The following FAM171B variants were observed in gnomAD, a reference collection of about 807,000 sequenced individuals.
FAM171B encodes the protein family with sequence similarity 171 member B.
Under a neutral mutation model 75.6 loss-of-function variants are expected in FAM171B, and 19 were observed. The observed-to-expected ratio is 0.25, with a 90% CI of 0.18 to 0.37. The LOEUF is 0.37. Among genes scored for constraint, FAM171B ranks in the 10% least tolerant of loss-of-function variants. The pLI is 1.00. For synonymous variants in FAM171B, 367 were observed against 361.7 expected, an observed-to-expected ratio of 1.01 and a Z score of -0.17; for missense variants, 848 against 982.4, an observed-to-expected ratio of 0.86 and a Z score of 1.83.
Position 186,761,233 on chromosome 2 carries a change from G to A in FAM171B, c.1133G>A (p.Cys378Tyr), listed in dbSNP as rs1323526119. 1 of 1,611,956 alleles carries A rather than the reference G, an allele frequency of 6.2e-7. No individual in the cohort carries two copies. Among genetic ancestry groups the A allele is most frequent in the African/African-American group, 1.3e-5 (1 of 74,942 alleles). The change falls in exon 7 of 8, where the codon TGC becomes TAC. Residue 378 changes from cysteine to tyrosine, a missense_variant. Around this residue, in one of 3 missense-constraint regions of FAM171B, gnomAD observed 665 missense variants for 729.0 expected, o/e 0.91. Coordinates refer to ENST00000304698, the MANE Select transcript of FAM171B (RefSeq NM_177454.4). ...TTTTTTGCTGTACTACTTTGTTATT[G>A]CAGGTAAGAAAATGGCTATAAACAC... ...IGFFAVLLCY[C>Y]RDKCGTPQKR...
intron 1 of FAM171B, among the ~76,000 whole-genome samples, chr2:186,739,460 A>G (rs2105785533): frequency 6.6e-6 from 1 of 152,266 alleles, no homozygotes; most frequent in Non-Finnish European, 1.5e-5. Context: ...CTTATTTGAT[A>G]AGCTTTTTTC....
intron 1 of FAM171B, among the ~76,000 whole-genome samples, chr2:186,706,384 T>C (rs1183118300): frequency 1.3e-5 from 2 of 152,200 alleles, no homozygotes; most frequent in Non-Finnish European, 2.9e-5. Context: ...ATTTTTCTTT[T>C]TTTGATTCAC....
intron 1 of FAM171B, among the ~76,000 whole-genome samples, chr2:186,712,755 GC>G (rs1453284745): frequency 3.9e-5 from 6 of 152,042 alleles, no homozygotes; most frequent in African/African-American, 1.4e-4. Flanking sequence ...ATAATCTTAT[GC>G]CTTCTCACTC....
intron 1 of FAM171B, among the ~76,000 whole-genome samples, chr2:186,697,136 T>G (rs2105768755): frequency 6.6e-6 from 1 of 152,292 alleles, no homozygotes; most frequent in East Asian, 1.9e-4. Flanking sequence ...AAGATAAACG[T>G]TATGTAGGAA....
intron 1 of FAM171B, among the ~76,000 whole-genome samples, chr2:186,713,396 C>T (rs1280763070): frequency 1.2e-4 from 19 of 152,228 alleles, no homozygotes; most frequent in Admixed American, 1.2e-3. Context: ...GATAGAATTA[C>T]ACCCTTTAGA....
At chr2:186,749,599 T>C (rs547396562) in intron 4 of FAM171B, among the ~76,000 whole-genome samples, 2 of 152,324 alleles carry the variant, frequency 1.3e-5, no homozygotes, top group South Asian at 4.1e-4. Flanking sequence ...AGTAAGCCAC[T>C]ACTTGGCCTG....
intron 1 of FAM171B, among the ~76,000 whole-genome samples, chr2:186,718,385 T>C (rs923392739): frequency 1.3e-5 from 2 of 152,178 alleles, no homozygotes; most frequent in African/African-American, 4.8e-5. Flanking sequence ...TTTCTAAAAC[T>C]TTTGTGCTTT....
chr2:186,761,480 G>T lies in FAM171B; in HGVS notation c.1138G>T (p.Asp380Tyr), dbSNP rs956397087. The change falls in exon 8 of 8, where the codon GAC becomes TAC. Residue 380 changes from aspartate to tyrosine, a missense_variant and splice_region_variant. Around this residue, in one of 3 missense-constraint regions of FAM171B, gnomAD observed 665 missense variants for 729.0 expected, o/e 0.91. Coordinates refer to ENST00000304698, the MANE Select transcript of FAM171B (RefSeq NM_177454.4). ...TTTTTGCCTTCTCTTCTACTCTAGG[G>T]ACAAGTGTGGTACTCCACAGAAAAG... ...FFAVLLCYCR[D>Y]KCGTPQKRER... The T allele has an allele frequency of 1.7e-5, 27 of 1,557,690 alleles. No homozygotes were observed. The highest frequency in any genetic ancestry group is 2.2e-5 in the Non-Finnish European group (25 of 1,160,624).
chr2:186,743,808 C>T (rs1030020413), intron 3 of FAM171B, among the ~76,000 whole-genome samples: 1 of 152,164 alleles, frequency 6.6e-6, no homozygotes, highest in African/African-American at 2.4e-5. Context: ...CTCAAACAGG[C>T]ACACTGTAGA....
Position 186,762,751 on chromosome 2 carries a change from A to G in FAM171B, c.2409A>G (p.Pro803=), listed in dbSNP as rs145821047. Reference sequence around the variant, plus strand: ...CCACTAAAAGAAGGGGCAGACCACCACTAGCCAAAAGAGATAGCAAGACTA... The same window carrying G: ...CCACTAAAAGAAGGGGCAGACCACCGCTAGCCAAAAGAGATAGCAAGACTA... The part of the protein sequence containing the change: ...TSPTKRRGRP[P]LAKRDSKTNI... The change falls in exon 8 of 8, where the codon CCA becomes CCG. Residue 803 remains proline, a synonymous_variant. Transcript: ENST00000304698. The surrounding 1 kb of genome is among the most constrained non-coding windows in gnomAD (Gnocchi z 4.0). 3.8e-4 allele frequency: 613 copies of G among 1,613,362 alleles called. 1 individual carries two copies. The highest frequency in any genetic ancestry group is 3.3e-3 in the African/African-American group (245 of 74,962).
chr2:186,723,616 G>T (rs1182325633), intron 1 of FAM171B, among the ~76,000 whole-genome samples: 1 of 152,048 alleles, frequency 6.6e-6, no homozygotes, highest in African/African-American at 2.4e-5. Context: ...CAACAATGTT[G>T]GTCCTAATCT....
intron 1 of FAM171B, among the ~76,000 whole-genome samples, chr2:186,735,211 G>A (rs1370541696): frequency 1.3e-5 from 2 of 152,172 alleles, no homozygotes; most frequent in African/African-American, 4.8e-5. Context: ...ATCAGTTTGG[G>A]GGAAGCAGGG....
chr2:186,696,434 C>T lies in FAM171B; in HGVS notation c.238+2023C>T, dbSNP rs1048788624. 2.1e-5 allele frequency among the ~76,000 whole-genome samples: 3 copies of T among 142,726 alleles called. No individual in the cohort carries two copies. The East Asian group carries it at 6.2e-4, about 30-fold the overall frequency. 93.6% of individuals were successfully genotyped at this position (142,726 alleles called of 152,430 possible). A position where few individuals can be genotyped will look rare whatever the true frequency, so the allele number is the denominator to read the frequency against. ...AACCTTTGTTTCCCTACTGTCTGTT[C>T]TCCTCACACAGCTAGCGATCTTTAA... On this transcript the variant is annotated intron_variant, in intron 1 of 7. Transcript: ENST00000304698.
At chr2:186,746,489 A>G (rs1574110241) in intron 3 of FAM171B, among the ~76,000 whole-genome samples, 1 of 152,210 alleles carries the variant, frequency 6.6e-6, no homozygotes, top group Non-Finnish European at 1.5e-5. Flanking sequence ...AACTTTAGAC[A>G]TGGCTCGATC....
At chr2:186,729,179 C>A (rs1279121025) in intron 1 of FAM171B, among the ~76,000 whole-genome samples, 1 of 152,082 alleles carries the variant, frequency 6.6e-6, no homozygotes, top group Non-Finnish European at 1.5e-5. Context: ...CTTGGTTTTT[C>A]TCAACATTTA....
At chr2:186,721,411 A>G (rs908738641) in intron 1 of FAM171B, among the ~76,000 whole-genome samples, 7 of 152,248 alleles carry the variant, frequency 4.6e-5, no homozygotes, top group Admixed American at 6.5e-5. Context: ...TAAGATTCTC[A>G]TTCAACATTT....
intron 1 of FAM171B, among the ~76,000 whole-genome samples, chr2:186,701,490 C>T (rs1689660692): frequency 6.6e-6 from 1 of 152,160 alleles, no homozygotes; most frequent in Non-Finnish European, 1.5e-5. Flanking sequence ...TTTTGTCCTA[C>T]ATCTCACCAT....
chr2:186,715,453 T>A (rs1318748101), intron 1 of FAM171B, among the ~76,000 whole-genome samples: 3 of 151,956 alleles, frequency 2.0e-5, no homozygotes, highest in East Asian at 1.9e-4. Context: ...TCCTCAGGCC[T>A]CCCCCTCACA....
chr2:186,717,563 C>G (rs565011520), intron 1 of FAM171B, among the ~76,000 whole-genome samples: 1 of 152,114 alleles, frequency 6.6e-6, no homozygotes, highest in African/African-American at 2.4e-5. Context: ...GATGCCCCTC[C>G]CACTTCTCTG....
Sources: gnomAD v4.1 joint callset for allele counts (sites outside exome capture counted in the v4.1 genomes callset) on GRCh38, gnomAD v4.1.1 for gene constraint, gnomAD v4.1.1 regional missense constraint, Gnocchi (gnomAD v3.1) non-coding constraint, MANE v1.5 for transcripts, NCBI Gene and HGNC (gene_info 2026-07-23, HGNC 2026-07-21) for gene names.